COL6A6: variants seen among roughly 807,000 people sequenced by gnomAD.
The protein encoded by COL6A6 is collagen alpha-6(VI) chain.
COL6A6 carries 183 observed loss-of-function variants against 208.6 expected under a neutral mutation model. That is an observed-to-expected ratio of 0.88 (90% confidence interval 0.78 to 0.99). COL6A6 has a LOEUF of 0.99. Ranked by LOEUF, COL6A6 falls within the 50% of genes least tolerant of loss-of-function variation. The pLI is 0.00. For synonymous variants in COL6A6, 973 were observed against 1,011.8 expected (o/e 0.96, Z 0.73); for missense variants, 2,816 against 2,815.2 (o/e 1.00, Z -0.01).
intron 23 of COL6A6, among the ~76,000 whole-genome samples, chr3:130,613,827 G>A (rs557891660): frequency 2.0e-5 from 3 of 152,164 alleles, no homozygotes; most frequent in Middle Eastern, 3.4e-3. Context: ...GTATGTTGTT[G>A]GTGTATAGGA....
chr3:130,571,692 A>T (rs537733804), intron 7 of COL6A6, among the ~76,000 whole-genome samples: 1 of 151,720 alleles, frequency 6.6e-6, no homozygotes, highest in East Asian at 1.9e-4. Context: ...CTTTTTTTTT[A>T]AAGACAGGGT....
chr3:130,609,015 ATGG>A, intron 22 of COL6A6, 51 bp downstream of exon 22: 1 of 1,428,508 alleles, frequency 7.0e-7, no homozygotes, highest in South Asian at 1.2e-5. Context: ...GAATCTGGGA[ATGG>A]AAAAATCTGA....
At position 130,662,223 on chromosome 3, in the gene COL6A6, C is replaced by T; in HGVS notation, c.6417C>T (p.His2139=). ...LEDLASHPLD[H]HLVQLGRIHK... is the part of the protein sequence containing the mutation. ...ATCTCGCCAGCCACCCTTTGGATCA[C>T]CACCTGGTCCAGCTTGGCCGAATTC... Residue 2139 remains histidine (H), a synonymous_variant, in exon 35 of 37, where the codon CAC becomes CAT. Transcript: ENST00000358511. 1 of 1,614,012 alleles carries T rather than the reference C, an allele frequency of 6.2e-7. No homozygotes were observed. Among genetic ancestry groups the T allele is most frequent in the East Asian group, 2.2e-5 (1 of 44,886 alleles).
At chr3:130,614,046 T>C (rs1272600422) in intron 23 of COL6A6, among the ~76,000 whole-genome samples, 1 of 152,176 alleles carries the variant, frequency 6.6e-6, no homozygotes, top group East Asian at 1.9e-4. Flanking sequence ...GGACTTCCAG[T>C]ACTATGTTGA....
At position 130,568,416 on chromosome 3, in the gene COL6A6, T is replaced by G; in HGVS notation, c.2213T>G (p.Val738Gly). The change falls in exon 6 of 37, where the codon GTA (valine) becomes GGA (glycine). Residue 738 changes from valine to glycine, a missense_variant. Transcript: ENST00000358511. ...LITDGEAQDI[V>G]KEPAVVLRQE... is the part of the protein sequence containing the mutation. The stretch of plus-strand genomic sequence containing the variant: ...ACGGATGGTGAAGCTCAGGACATAG[T>G]AAAGGAACCAGCAGTAGTGCTTCGG... 6.2e-7 allele frequency: 1 copy of G among 1,613,942 alleles called. No individual in the cohort carries two copies. The highest frequency in any genetic ancestry group is 8.5e-7 in the Non-Finnish European group (1 of 1,179,872).
chr3:130,648,776 A>G (rs1050629515), intron 32 of COL6A6, among the ~76,000 whole-genome samples: 6 of 152,218 alleles, frequency 3.9e-5, no homozygotes, highest in Non-Finnish European at 8.8e-5. Context: ...GGGTATTTCC[A>G]GGAGCTCTCT....
intron 28 of COL6A6, among the ~76,000 whole-genome samples, chr3:130,639,620 A>C (rs1247580953): frequency 1.3e-5 from 2 of 151,912 alleles, no homozygotes; most frequent in African/African-American, 4.8e-5. Flanking sequence ...TGAGCCCAGA[A>C]AGTCTTGGCT....
rs960320066 is a variant in COL6A6 at position 130,676,485 on chromosome 3, A to G, written c.*1088A>G. ...GATATTTTCAACAACGAAACACCCA[A>G]TGTTCAGACCTTACCTCAGTCTAAG... On this transcript the variant is annotated 3_prime_UTR_variant, in exon 37 of 37. Transcript: ENST00000358511. The G allele has an allele frequency of 2.0e-5, 3 of 152,174 alleles. No homozygotes were observed. Among genetic ancestry groups the G allele is most frequent in the Non-Finnish European group, 2.9e-5 (2 of 68,032 alleles). 9.4% of individuals were successfully genotyped at this position (152,174 alleles called of 1,614,324 possible).
chr3:130,523,808 G>A (rs1280177878), intron 1 of COL6A6, among the ~76,000 whole-genome samples: 1 of 152,176 alleles, frequency 6.6e-6, no homozygotes, highest in Non-Finnish European at 1.5e-5. Context: ...CAAGAGGTGT[G>A]TTTTTGGAAA....
At chr3:130,541,271 T>A (rs1045536146) in intron 1 of COL6A6, among the ~76,000 whole-genome samples, 1 of 152,214 alleles carries the variant, frequency 6.6e-6, no homozygotes, top group South Asian at 2.1e-4. Context: ...TCAGATTGGC[T>A]TTTTTCACTT....
chr3:130,566,845 G>T lies in COL6A6; in HGVS notation c.1426G>T (p.Gly476Trp). 1 of 1,614,014 alleles carries T rather than the reference G, an allele frequency of 6.2e-7. No individual in the cohort carries two copies. The highest frequency in any genetic ancestry group is 8.5e-7 in the Non-Finnish European group (1 of 1,179,892). The change falls in exon 5 of 37, where the codon GGG (glycine) becomes TGG (tryptophan). Residue 476 changes from glycine to tryptophan, a missense_variant. Gly to Trp is a radical substitution (Grantham distance 184). Coordinates refer to ENST00000358511, the MANE Select transcript of COL6A6 (RefSeq NM_001102608.3). ...CATTGCTCCCCATAAGGTGCGGGTT[G>T]GGGCCGTTCAGTATGCTGACAGCTG... ...FNIAPHKVRV[G>W]AVQYADSWDL... is the part of the protein sequence containing the mutation.
At chr3:130,590,707 A>G (rs2063689112) in intron 12 of COL6A6, among the ~76,000 whole-genome samples, 1 of 151,916 alleles carries the variant, frequency 6.6e-6, no homozygotes, top group African/African-American at 2.4e-5. Context: ...AGCTGGGACC[A>G]CAGGCACCCG....
intron 1 of COL6A6, among the ~76,000 whole-genome samples, chr3:130,534,645 G>A (rs56980770): frequency 0.025 from 3,866 of 152,122 alleles, 152 homozygotes; most frequent in African/African-American, 0.088. Flanking sequence ...GAACTCAGGC[G>A]TATGTTTTCC....
intron 1 of COL6A6, among the ~76,000 whole-genome samples, chr3:130,553,611 A>G (rs1223972155): frequency 6.7e-6 from 1 of 150,018 alleles, no homozygotes; most frequent in African/African-American, 2.4e-5. Flanking sequence ...AATCTTGATG[A>G]TCTTCATTCC....
chr3:130,553,845 TG>T (rs1559981259), intron 1 of COL6A6, among the ~76,000 whole-genome samples: 1 of 70,238 alleles, frequency 1.4e-5, no homozygotes, highest in Non-Finnish European at 5.2e-5. Context: ...GTTTTTTTTG[TG>T]TTTTTTTTTG....
intron 28 of COL6A6, among the ~76,000 whole-genome samples, chr3:130,638,471 G>A (rs997059056): frequency 5.9e-5 from 9 of 152,146 alleles, no homozygotes; most frequent in Non-Finnish European, 1.2e-4. Flanking sequence ...GTGCCCAGCT[G>A]CCATACTGCA....
At chr3:130,626,618 C>G in intron 25 of COL6A6, 71 bp downstream of exon 25, 2 of 1,046,964 alleles carry the variant, frequency 1.9e-6, no homozygotes, top group Non-Finnish European at 1.5e-6. Context: ...TGGTGTGGTT[C>G]TCTGAAGAGA....
At chr3:130,666,923 A>G (rs2066089393) in intron 36 of COL6A6, among the ~76,000 whole-genome samples, 1 of 152,216 alleles carries the variant, frequency 6.6e-6, no homozygotes, top group South Asian at 2.1e-4. Flanking sequence ...ACACCAAGAC[A>G]AAAGCAGCCA....
At position 130,662,143 on chromosome 3, in the gene COL6A6, T is replaced by C; in HGVS notation, c.6337T>C (p.Tyr2113His). 1 of 1,614,018 alleles carries C rather than the reference T, an allele frequency of 6.2e-7. No homozygotes were observed. The highest frequency in any genetic ancestry group is 1.1e-5 in the South Asian group (1 of 91,084). The change falls in exon 35 of 37, where the codon TAT becomes CAT. Residue 2113 changes from tyrosine (Y) to histidine (H), a missense_variant. Transcript: ENST00000358511. ...KESLRAKCQG[Y>H]ALFVFSLGPI... Reference sequence around the variant, plus strand: ...ATCCTTGCGAGCCAAATGTCAGGGATATGCCTTATTTGTGTTTTCCCTTGG... The same window carrying C: ...ATCCTTGCGAGCCAAATGTCAGGGACATGCCTTATTTGTGTTTTCCCTTGG...
Sources: allele counts gnomAD v4.1 joint callset (sites outside exome capture counted in the v4.1 genomes callset), GRCh38; gene constraint gnomAD v4.1.1; transcripts MANE v1.5; gene names NCBI Gene and HGNC (gene_info 2026-07-23, HGNC 2026-07-21).